POLR2G: variants seen among roughly 807,000 people sequenced by gnomAD.
The protein encoded by POLR2G is DNA-directed RNA polymerase II subunit RPB7.
POLR2G carries 19 observed loss-of-function variants against 25.7 expected under a neutral mutation model. The ratio of observed to expected loss-of-function variants is 0.74; its 90% CI spans 0.52 to 1.08. The LOEUF is 1.08. POLR2G is among the 50% of genes least tolerant of loss of function. The probability of loss-of-function intolerance (pLI) is 0.00; values close to 1 mark genes in which losing one functional copy is unlikely to be tolerated. For missense variants in POLR2G, 123 were observed against 218.5 expected (o/e 0.56, Z 2.76); for synonymous variants, 79 against 76.0 (o/e 1.04, Z -0.21).
In POLR2G at chr11:62,762,063, GC is replaced by G. The variant is rs1426825956; in HGVS notation, c.122+162del. The G allele has an allele frequency of 6.5e-6, 4 of 610,858 alleles. No homozygotes were observed. In the African/African-American group the frequency reaches 7.4e-5, roughly 11 times the overall value. The allele number at this position is 610,858 out of a possible 1,614,324, so 37.8% of individuals were successfully genotyped here. Reference sequence around the variant, plus strand: ...GCTTCCTGCTTTGGGTTCCCAGGGCGCCCTCTGCAATGCTGGACAATAAGAC... The same window carrying G: ...GCTTCCTGCTTTGGGTTCCCAGGGCGCCTCTGCAATGCTGGACAATAAGAC... On this transcript the variant is annotated intron_variant, in intron 2 of 7. Transcript: ENST00000301788.
In POLR2G at chr11:62,762,954, T is replaced by C. The variant is rs749910581; in HGVS notation, c.210T>C (p.Val70=). The C allele has an allele frequency of 1.9e-5, 31 of 1,612,236 alleles. No individual in the cohort carries two copies. The highest frequency in any genetic ancestry group is 2.6e-5 in the Non-Finnish European group (31 of 1,178,594). ...QPGRGFVLYP[V]KYKAIVFRPF... ...GCCGAGGCTTTGTCCTTTATCCAGT[T>C]AAGTACAAGGCCATTGTTTTCCGGC... The change falls in exon 3 of 8, where the codon GTT becomes GTC. Residue 70 remains valine, a synonymous_variant. Coordinates refer to ENST00000301788, the MANE Select transcript of POLR2G (RefSeq NM_002696.3).
intron 5 of POLR2G, 104 bp from the exon 6 acceptor site, chr11:62,765,549 A>C (rs1421213252): frequency 9.2e-6 from 10 of 1,085,900 alleles, no homozygotes; most frequent in Non-Finnish European, 1.3e-5. Context: ...GATGGTGTGA[A>C]AGTGATGTGC....
chr11:62,766,076 C>T (rs555953100), intron 6 of POLR2G, among the ~76,000 whole-genome samples, 167 bp from the exon 7 acceptor site: 10 of 152,144 alleles, frequency 6.6e-5, no homozygotes, highest in African/African-American at 1.7e-4. Context: ...TGTGAGCCAC[C>T]GCGCCTGGCC....
chr11:62,766,473 A>G (rs756599028), intron 7 of POLR2G, 21 bp from the exon 8 acceptor site: 2 of 1,613,816 alleles, frequency 1.2e-6, no homozygotes, highest in East Asian at 2.2e-5. Context: ...TCTAACTGAT[A>G]TGCTTTTTCT....
At chr11:62,762,432 C>G (rs985636000) in intron 2 of POLR2G, 16 of 311,832 alleles carry the variant, frequency 5.1e-5, no homozygotes, top group African/African-American at 3.4e-4. Flanking sequence ...AGGGGCCTCT[C>G]TGATATTAAT....
chr11:62,761,787 C>T lies in POLR2G; in HGVS notation c.13-8C>T, dbSNP rs1199696992. The T allele has an allele frequency of 7.4e-6, 12 of 1,613,322 alleles. No homozygotes were observed. The highest frequency in any genetic ancestry group is 1.0e-5 in the Non-Finnish European group (12 of 1,179,412). ...CTGGCCTGGTCGCCATCCCACTTTT[C>T]TCCGCAGATCTCCCTAGAGCACGAA... On this transcript the variant is annotated splice_region_variant and splice_polypyrimidine_tract_variant and intron_variant, in intron 1 of 7. Coordinates refer to ENST00000301788, the MANE Select transcript of POLR2G (RefSeq NM_002696.3).
chr11:62,766,358 C>A (rs373914278), intron 7 of POLR2G, 82 bp downstream of exon 7: 32 of 1,518,414 alleles, frequency 2.1e-5, no homozygotes, highest in Non-Finnish European at 2.7e-5. Flanking sequence ...GATTCAATGC[C>A]CAAATCAGAG....
Position 62,765,126 on chromosome 11 carries a change from G to A in POLR2G, c.283-56G>A. On this transcript the variant is annotated intron_variant, in intron 3 of 7. Coordinates refer to ENST00000301788, the MANE Select transcript of POLR2G (RefSeq NM_002696.3). Reference sequence around the variant, plus strand: ...CCGGCCTCGGCCTCCCAAAGTGCTGGGATTACAGGCGTGAGCCACCGTGCA... The same window carrying A: ...CCGGCCTCGGCCTCCCAAAGTGCTGAGATTACAGGCGTGAGCCACCGTGCA... 2.6e-6 allele frequency: 4 copies of A among 1,513,078 alleles called. No individual in the cohort carries two copies. The South Asian group carries it at 4.5e-5, about 17-fold the overall frequency. The allele number at this position is 1,513,078 out of a possible 1,614,324, so 93.7% of individuals were successfully genotyped here. A position where few individuals can be genotyped will look rare whatever the true frequency, so the allele number is the denominator to read the frequency against.
Position 62,765,420 on chromosome 11 carries a change from A to G in POLR2G, c.399+15A>G, listed in dbSNP as rs778474225. 6.2e-7 allele frequency: 1 copy of G among 1,604,342 alleles called. No individual in the cohort carries two copies. The highest frequency in any genetic ancestry group is 8.5e-7 in the Non-Finnish European group (1 of 1,171,428). On this transcript the variant is annotated intron_variant, in intron 5 of 7. Transcript: ENST00000301788. ...CAATGGATGAGGTGAGTGGACAGAA[A>G]GAAGTCAGGGAGACAAGGAGAGAAT...
intron 7 of POLR2G, 58 bp from the exon 8 acceptor site, chr11:62,766,436 A>C: frequency 6.2e-7 from 1 of 1,602,150 alleles, no homozygotes; most frequent in Non-Finnish European, 8.6e-7. Flanking sequence ...TGAGGAGTAC[A>C]TGGTTGTGGC....
chr11:62,762,928 G>A lies in POLR2G; in HGVS notation c.184G>A (p.Gly62Ser). Residue 62 changes from glycine to serine, a missense_variant, in exon 3 of 8, where the codon GGC (glycine) becomes AGC (serine). Gly to Ser is a moderately conservative substitution (Grantham distance 56, BLOSUM62 0). Coordinates refer to ENST00000301788, the MANE Select transcript of POLR2G (RefSeq NM_002696.3). ...TATTGGTGCTGGTGTGATCCAGCCA[G>A]GCCGAGGCTTTGTCCTTTATCCAGT... is the stretch of plus-strand genomic sequence containing the variant. Reference protein sequence around the residue: ...DNIGAGVIQPGRGFVLYPVKY... With the variant: ...DNIGAGVIQPSRGFVLYPVKY... The A allele has an allele frequency of 6.2e-7, 1 of 1,611,868 alleles. No individual in the cohort carries two copies. Among genetic ancestry groups the A allele is most frequent in the Non-Finnish European group, 8.5e-7 (1 of 1,178,176 alleles).
intron 3 of POLR2G, among the ~76,000 whole-genome samples, chr11:62,763,646 G>A (rs976661641): frequency 1.3e-5 from 2 of 151,884 alleles, no homozygotes; most frequent in African/African-American, 4.8e-5. Context: ...GAGGGCAAGA[G>A]AGTCAGTATT....
At position 62,766,570 on chromosome 11, in the gene POLR2G, G is replaced by T. The variant is rs1377521823; in HGVS notation, c.*63G>T. ...GTGTGATTGTCACACTTATCATGTT[G>T]TCCAGAGGTCCAGTCTGGCTGCTGT... On this transcript the variant is annotated 3_prime_UTR_variant, in exon 8 of 8. Coordinates refer to ENST00000301788, the MANE Select transcript of POLR2G (RefSeq NM_002696.3). 6 of 1,493,698 alleles carry T rather than the reference G, an allele frequency of 4.0e-6. No homozygotes were observed. Among genetic ancestry groups the T allele is most frequent in the Non-Finnish European group, 5.6e-6 (6 of 1,071,818 alleles). 92.5% of individuals were successfully genotyped at this position (1,493,698 alleles called of 1,614,324 possible).
intron 6 of POLR2G, 44 bp from the exon 7 acceptor site, chr11:62,766,199 G>A: frequency 1.3e-6 from 2 of 1,588,944 alleles, no homozygotes; most frequent in Non-Finnish European, 1.7e-6. Flanking sequence ...GGTTGGTTCT[G>A]TGCTCATCTT....
At chr11:62,764,042 A>G (rs2134856540) in intron 3 of POLR2G, among the ~76,000 whole-genome samples, 1 of 151,852 alleles carries the variant, frequency 6.6e-6, no homozygotes, top group South Asian at 2.1e-4. Flanking sequence ...GTGCCCGGCC[A>G]GTGGGTGCTT....
At chr11:62,765,315 A>C (rs759175386) in intron 4 of POLR2G, 25 bp from the exon 5 acceptor site, 1 of 1,610,332 alleles carries the variant, frequency 6.2e-7, no homozygotes, top group Non-Finnish European at 8.5e-7. Flanking sequence ...TTAAAGTGCT[A>C]ACCTAGATCT....
At position 62,766,524 on chromosome 11, in the gene POLR2G, C is replaced by T. The variant is rs1287985553; in HGVS notation, c.*17C>T. On this transcript the variant is annotated 3_prime_UTR_variant, in exon 8 of 8. Coordinates refer to ENST00000301788, the MANE Select transcript of POLR2G (RefSeq NM_002696.3). ...GTAAGCTGAGCCTGGTGGCCTCCTA[C>T]CCTTGGTCCTACTCTAGGAAGTGTG... 1.2e-6 allele frequency: 2 copies of T among 1,611,516 alleles called. No individual in the cohort carries two copies. Among genetic ancestry groups the T allele is most frequent in the Non-Finnish European group, 1.7e-6 (2 of 1,177,810 alleles).
chr11:62,765,652 G>A lies in POLR2G; in HGVS notation c.400-1G>A. ...TGTACACTGTTCCCTCCTCTCCTCAGGATATTGTGATTCAGCAGGACGATG... is the reference window on the plus strand; with the variant it reads ...TGTACACTGTTCCCTCCTCTCCTCAAGATATTGTGATTCAGCAGGACGATG... On this transcript the variant is annotated splice_acceptor_variant, in intron 5 of 7. Coordinates refer to ENST00000301788, the MANE Select transcript of POLR2G (RefSeq NM_002696.3). LOFTEE classifies it high-confidence loss of function. The A allele has an allele frequency of 4.4e-6, 7 of 1,603,876 alleles. No individual in the cohort carries two copies. The highest frequency in any genetic ancestry group is 1.1e-5 in the South Asian group (1 of 90,838).
At position 62,761,582 on chromosome 11, in the gene POLR2G, G is replaced by T; in HGVS notation, c.-67G>T. Reference sequence around the variant, plus strand: ...GCGGAACTGGGGTTGCGGCGTCTAAGTGTTTCCGGTGGATTCCCAGGGACT... The same window carrying T: ...GCGGAACTGGGGTTGCGGCGTCTAATTGTTTCCGGTGGATTCCCAGGGACT... On this transcript the variant is annotated 5_prime_UTR_variant, in exon 1 of 8. Transcript: ENST00000301788. 2.0e-6 allele frequency: 3 copies of T among 1,511,618 alleles called. No individual in the cohort carries two copies. Among genetic ancestry groups the T allele is most frequent in the Admixed American group, 4.4e-5 (2 of 45,398 alleles). The allele number at this position is 1,511,618 out of a possible 1,614,324, so 93.6% of individuals were successfully genotyped here. A position where few individuals can be genotyped will look rare whatever the true frequency, so the allele number is the denominator to read the frequency against.
Sources: gnomAD v4.1 joint callset for allele counts (sites outside exome capture counted in the v4.1 genomes callset) on GRCh38, gnomAD v4.1.1 for gene constraint, MANE v1.5 for transcripts, NCBI Gene and HGNC (gene_info 2026-07-23, HGNC 2026-07-21) for gene names.